Variants in NR1D2 observed in about 807,000 individuals in gnomAD.
NR1D2 encodes the protein nuclear receptor subfamily 1 group D member 2, also known as V-erbA-related protein 1-related.
NR1D2 carries 25 observed loss-of-function variants against 52.2 expected under a neutral mutation model. The observed-to-expected ratio is 0.48, with a 90% CI of 0.35 to 0.67. NR1D2 has a LOEUF of 0.67. Ranked by LOEUF, NR1D2 falls within the 30% of genes least tolerant of loss-of-function variation. The pLI is 0.01. For missense variants in NR1D2, 681 were observed against 707.2 expected, an observed-to-expected ratio of 0.96 and a Z score of 0.42; for synonymous variants, 259 against 230.1, an observed-to-expected ratio of 1.13 and a Z score of -1.14.
intron 1 of NR1D2, among the ~76,000 whole-genome samples, chr3:23,948,705 A>G (rs1461783209): frequency 6.6e-6 from 1 of 152,254 alleles, no homozygotes; most frequent in Admixed American, 6.5e-5. Context: ...AATTGAAGCT[A>G]AATAACTTAC....
chr3:23,959,932 A>C, intron 4 of NR1D2, 117 bp downstream of exon 4: 1 of 904,110 alleles, frequency 1.1e-6, no homozygotes, highest in Non-Finnish European at 1.6e-6. Context: ...AAGGTGAAGC[A>C]GAAAACATAT....
chr3:23,972,313 C>T (rs564183473), intron 7 of NR1D2, among the ~76,000 whole-genome samples: 1 of 152,336 alleles, frequency 6.6e-6, no homozygotes, highest in African/African-American at 2.4e-5. Flanking sequence ...AGTATTTGAA[C>T]TCCCATTAGT....
At position 23,977,658 on chromosome 3, in the gene NR1D2, T is replaced by TA; in HGVS notation, c.*240dup. 3.0e-6 allele frequency: 1 copy of TA among 331,064 alleles called. No individual in the cohort carries two copies. Among genetic ancestry groups the TA allele is most frequent in the Non-Finnish European group, 5.5e-6 (1 of 182,842 alleles). The allele number at this position is 331,064 out of a possible 1,614,324, so 20.5% of individuals were successfully genotyped here. On this transcript the variant is annotated 3_prime_UTR_variant, in exon 8 of 8. Coordinates refer to ENST00000312521, the MANE Select transcript of NR1D2 (RefSeq NM_005126.5). ...TGTGTCGCACTTAAACTGGAGAAGT[T>TA]ACACTGAAGTATAATCACACTGAAT...
intron 1 of NR1D2, 51 bp downstream of exon 1, chr3:23,945,645 G>T: frequency 6.0e-6 from 6 of 1,006,152 alleles, no homozygotes; most frequent in Non-Finnish European, 7.3e-6. Context: ...AGCGCTCAGA[G>T]CCCGCGGGGC....
intron 6 of NR1D2, among the ~76,000 whole-genome samples, chr3:23,966,092 G>C (rs907825775): frequency 6.6e-6 from 1 of 152,180 alleles, no homozygotes; most frequent in Non-Finnish European, 1.5e-5. Context: ...TTCACCTTCT[G>C]TCTGCCCCAG....
In NR1D2 at chr3:23,978,890, G is replaced by A. The variant is rs1413957904; in HGVS notation, c.*1471G>A. ...ATAGTGGACTTGATTAAGTAGATAAGATCAGCATCTGTTTATGGTAGTAGG... is the reference window on the plus strand; with the variant it reads ...ATAGTGGACTTGATTAAGTAGATAAAATCAGCATCTGTTTATGGTAGTAGG... On this transcript the variant is annotated 3_prime_UTR_variant, in exon 8 of 8. Transcript: ENST00000312521. 2 of 152,062 alleles carry A rather than the reference G, an allele frequency of 1.3e-5. No homozygotes were observed. Among genetic ancestry groups the A allele is most frequent in the African/African-American group, 4.8e-5 (2 of 41,430 alleles). The allele number at this position is 152,062 out of a possible 1,614,324, so 9.4% of individuals were successfully genotyped here.
chr3:23,955,389 C>T (rs1228609212), intron 2 of NR1D2, among the ~76,000 whole-genome samples: 2 of 152,086 alleles, frequency 1.3e-5, no homozygotes, highest in Middle Eastern at 3.2e-3. Context: ...TATAAAGTAA[C>T]TCTAAATTTA....
At chr3:23,971,241 C>G (rs891303977) in intron 7 of NR1D2, among the ~76,000 whole-genome samples, 1 of 150,978 alleles carries the variant, frequency 6.6e-6, no homozygotes, top group African/African-American at 2.4e-5. Context: ...TAACACCCTT[C>G]TTTTTAATTT....
rs1404892466 is a variant in NR1D2 at position 23,959,839 on chromosome 3, T to C, written c.517+24T>C. 1.9e-6 allele frequency: 3 copies of C among 1,600,830 alleles called. No individual in the cohort carries two copies. The African/African-American group carries it at 4.0e-5, about 22-fold the overall frequency. ...TGGTATGTTCCCAGTTTAAAGAGTG[T>C]TCCTAAAGTGTATGGAGCTTGGCTT... On this transcript the variant is annotated intron_variant, in intron 4 of 7. Coordinates refer to ENST00000312521, the MANE Select transcript of NR1D2 (RefSeq NM_005126.5).
chr3:23,951,050 C>T (rs1170880172), intron 1 of NR1D2, among the ~76,000 whole-genome samples: 1 of 152,014 alleles, frequency 6.6e-6, no homozygotes, highest in Non-Finnish European at 1.5e-5. Context: ...GGATTACAGG[C>T]ATGCGCCACC....
In NR1D2 at chr3:23,973,489, A is replaced by G. The variant is rs72628108; in HGVS notation, c.1544-3734A>G. On this transcript the variant is annotated intron_variant, in intron 7 of 7. Coordinates refer to ENST00000312521, the MANE Select transcript of NR1D2 (RefSeq NM_005126.5). ...TACAGTAACAATAGATATGAAAGAT[A>G]AAAGCTGGTATACTTGTGTAGGGCA... Among the ~76,000 whole-genome samples, 542 of 152,356 alleles carry G rather than the reference A, an allele frequency of 3.6e-3. 13 individuals are homozygous for G. In the East Asian group the frequency reaches 0.05, roughly 14 times the overall value.
At chr3:23,966,294 A>G (rs151270075) in intron 6 of NR1D2, among the ~76,000 whole-genome samples, 150 of 152,044 alleles carry the variant, frequency 9.9e-4, no homozygotes, top group African/African-American at 3.2e-3. Flanking sequence ...TGAGATAACT[A>G]AGTAATATAA....
chr3:23,977,464 T>C lies in NR1D2; in HGVS notation c.*45T>C, dbSNP rs778509259. On this transcript the variant is annotated 3_prime_UTR_variant, in exon 8 of 8. Transcript: ENST00000312521. ...ATGAACTGATGGTAACTGTACATTT[T>C]GTGCTAAAATGCATATTTATATGTG... 1 of 1,307,802 alleles carries C rather than the reference T, an allele frequency of 7.6e-7. No homozygotes were observed. The highest frequency in any genetic ancestry group is 1.6e-5 in the South Asian group (1 of 64,318). 81.0% of individuals were successfully genotyped at this position (1,307,802 alleles called of 1,614,324 possible).
chr3:23,959,693 A>C lies in NR1D2; in HGVS notation c.395A>C (p.Gln132Pro), dbSNP rs774798750. The change falls in exon 4 of 8, where the codon CAA becomes CCA. Residue 132 changes from glutamine (Q) to proline (P), a missense_variant. Coordinates refer to ENST00000312521, the MANE Select transcript of NR1D2 (RefSeq NM_005126.5). ...GCKGFFRRSI[Q>P]QNIQYKKCLK... is the part of the protein sequence containing the mutation. ...TAGGGTTTCTTTCGGAGAAGTATTC[A>C]ACAAAACATCCAGTACAAGAAGTGC... is the stretch of plus-strand genomic sequence containing the variant. 1 of 1,612,350 alleles carries C rather than the reference A, an allele frequency of 6.2e-7. No individual in the cohort carries two copies. The highest frequency in any genetic ancestry group is 8.5e-7 in the Non-Finnish European group (1 of 1,179,546).
chr3:23,946,674 A>G (rs1705728230), intron 1 of NR1D2: 1 of 152,150 alleles, frequency 6.6e-6, no homozygotes, highest in Non-Finnish European at 1.5e-5. Flanking sequence ...TGACTCCAAC[A>G]CCATATGTAA....
Position 23,979,652 on chromosome 3 carries a change from A to G in NR1D2, c.*2233A>G, listed in dbSNP as rs926314000. 4 of 152,138 alleles carry G rather than the reference A, an allele frequency of 2.6e-5. No individual in the cohort carries two copies. Among genetic ancestry groups the G allele is most frequent in the African/African-American group, 9.6e-5 (4 of 41,456 alleles). The allele number at this position is 152,138 out of a possible 1,614,324, so 9.4% of individuals were successfully genotyped here. A position where few individuals can be genotyped will look rare whatever the true frequency, so the allele number is the denominator to read the frequency against. On this transcript the variant is annotated 3_prime_UTR_variant, in exon 8 of 8. Transcript: ENST00000312521. The stretch of plus-strand genomic sequence containing the variant: ...CTGTAGGTAATGGGAAACAAAATTA[A>G]TAGTTCATATGTCACTCATAGCATT...
intron 1 of NR1D2, among the ~76,000 whole-genome samples, chr3:23,946,939 C>T (rs1032493598): frequency 6.6e-6 from 1 of 152,058 alleles, no homozygotes; most frequent in Admixed American, 6.5e-5. Flanking sequence ...AAGAATCTTG[C>T]CTCGATAACA....
intron 3 of NR1D2, among the ~76,000 whole-genome samples, chr3:23,956,770 G>A (rs1706090986): frequency 6.6e-6 from 1 of 151,996 alleles, no homozygotes; most frequent in African/African-American, 2.4e-5. Context: ...CTATATACAG[G>A]GAATCTTTCT....
At chr3:23,963,290 C>T (rs187471905) in intron 5 of NR1D2, 1 of 1,351,442 alleles carries the variant, frequency 7.4e-7, no homozygotes, top group Non-Finnish European at 9.8e-7. Context: ...CAGTTTAAAC[C>T]ATGAAGTCCT....
Sources: allele counts gnomAD v4.1 joint callset (sites outside exome capture counted in the v4.1 genomes callset), GRCh38; gene constraint gnomAD v4.1.1; transcripts MANE v1.5; gene names NCBI Gene and HGNC (gene_info 2026-07-23, HGNC 2026-07-21).